The following PPARGC1A variants were observed in gnomAD, a reference collection of about 807,000 sequenced individuals.
PPARGC1A encodes peroxisome proliferator-activated receptor gamma coactivator 1-alpha.
PPARGC1A carries 25 observed loss-of-function variants against 88.7 expected under a neutral mutation model. That is an observed-to-expected ratio of 0.28 (90% CI 0.21 to 0.39). The LOEUF is 0.39. PPARGC1A is among the 10% of genes least tolerant of loss of function. PPARGC1A has a pLI of 1.00. For missense variants in PPARGC1A, 880 were observed against 968.7 expected, an observed-to-expected ratio of 0.91 and a Z score of 1.22; for synonymous variants, 363 against 355.6, an observed-to-expected ratio of 1.02 and a Z score of -0.24.
chr4:24,333,895 C>T, the PPARGC1A span, among the ~76,000 whole-genome samples: 1 of 135,834 alleles, frequency 7.4e-6, no homozygotes, highest in East Asian at 2.2e-4. Context: ...GTTAGTGCCA[C>T]TGCACTCCAG....
chr4:24,308,963 A>G, the PPARGC1A span, among the ~76,000 whole-genome samples: 1 of 152,118 alleles, frequency 6.6e-6, no homozygotes, highest in African/African-American at 2.4e-5. Flanking sequence ...TTTGAGTAGA[A>G]GGTGTTAGAA....
chr4:24,454,668 G>T, the PPARGC1A span, among the ~76,000 whole-genome samples: 1 of 151,908 alleles, frequency 6.6e-6, no homozygotes, highest in Non-Finnish European at 1.5e-5. Flanking sequence ...AACCTGAGAG[G>T]TTGAGGCTGC....
chr4:24,288,091 A>G, the PPARGC1A span, among the ~76,000 whole-genome samples: 4 of 152,040 alleles, frequency 2.6e-5, no homozygotes, highest in African/African-American at 7.2e-5. Flanking sequence ...CAACATCTAT[A>G]TTCATTCTTC....
chr4:24,413,316 A>G, the PPARGC1A span, among the ~76,000 whole-genome samples: 1 of 151,688 alleles, frequency 6.6e-6, no homozygotes, highest in Non-Finnish European at 1.5e-5. Context: ...GCAACGCAGA[A>G]TGAATAAAGG....
At chr4:23,870,579 T>C (rs1713093045) in intron 2 of PPARGC1A, among the ~76,000 whole-genome samples, 1 of 152,188 alleles carries the variant, frequency 6.6e-6, no homozygotes, top group South Asian at 2.1e-4. Flanking sequence ...ACATATTGAA[T>C]AGAACATTAG....
At chr4:24,368,827 C>T in the PPARGC1A span, among the ~76,000 whole-genome samples, 964 of 152,188 alleles carry the variant, frequency 6.3e-3, 22 homozygotes, top group African/African-American at 0.022. Context: ...CATCAGGAGA[C>T]GCGGAAGAAA....
At position 23,840,090 on chromosome 4, in the gene PPARGC1A, A is replaced by T. The variant is rs577930709; in HGVS notation, c.235-8339T>A. ...AAGTGATCCTGATGCAACCTAAGTCATGTGAAACCCCTCTTCTGACCAAAC... is the reference window on the plus strand; with the variant it reads ...AAGTGATCCTGATGCAACCTAAGTCTTGTGAAACCCCTCTTCTGACCAAAC... On this transcript the variant is annotated intron_variant, in intron 2 of 12. Coordinates refer to ENST00000264867, the MANE Select transcript of PPARGC1A (RefSeq NM_013261.5). 3.9e-5 allele frequency among the ~76,000 whole-genome samples: 6 copies of T among 152,248 alleles called. No individual in the cohort carries two copies. The East Asian group carries it at 9.7e-4, about 25-fold the overall frequency.
chr4:23,863,085 C>T (rs975439466), intron 2 of PPARGC1A, among the ~76,000 whole-genome samples: 8 of 152,082 alleles, frequency 5.3e-5, no homozygotes, highest in African/African-American at 1.9e-4. Context: ...TTTTTCCTCC[C>T]TTTTTTCACC....
chr4:24,431,705 C>A, the PPARGC1A span, among the ~76,000 whole-genome samples: 7 of 152,196 alleles, frequency 4.6e-5, no homozygotes, highest in African/African-American at 7.2e-5. Flanking sequence ...CATCTCCATA[C>A]ATATTTGTGT....
chr4:24,408,782 G>C, the PPARGC1A span, among the ~76,000 whole-genome samples: 1 of 152,156 alleles, frequency 6.6e-6, no homozygotes, highest in African/African-American at 2.4e-5. Context: ...GCTAAAATCT[G>C]ATTATAGTCA....
chr4:23,844,173 G>A (rs1342109099), intron 2 of PPARGC1A, among the ~76,000 whole-genome samples: 1 of 149,594 alleles, frequency 6.7e-6, no homozygotes, highest in Non-Finnish European at 1.5e-5. Flanking sequence ...ACATATGTGT[G>A]TATATATAAA....
the PPARGC1A span, among the ~76,000 whole-genome samples, chr4:24,043,896 A>C: frequency 1.3e-5 from 2 of 152,140 alleles, no homozygotes. Context: ...GCCACAATAT[A>C]AATAACTTGG....
chr4:24,397,905 C>G, the PPARGC1A span, among the ~76,000 whole-genome samples: 1 of 152,182 alleles, frequency 6.6e-6, no homozygotes, highest in East Asian at 1.9e-4. Context: ...GTAACTAGGT[C>G]TATACTGACT....
At chr4:24,278,843 C>T in the PPARGC1A span, among the ~76,000 whole-genome samples, 1 of 152,126 alleles carries the variant, frequency 6.6e-6, no homozygotes, top group Non-Finnish European at 1.5e-5. Context: ...AGTAGTCAAA[C>T]CACACAGCTG....
chr4:24,440,395 G>A, the PPARGC1A span, among the ~76,000 whole-genome samples: 70 of 152,290 alleles, frequency 4.6e-4, no homozygotes, highest in African/African-American at 1.5e-3. Flanking sequence ...CATGGAGCTG[G>A]GCTGAGGTTC....
chr4:24,273,368 G>T, the PPARGC1A span, among the ~76,000 whole-genome samples: 1 of 152,190 alleles, frequency 6.6e-6, no homozygotes, highest in African/African-American at 2.4e-5. Context: ...AACATGTCAA[G>T]ACTTGTGAAC....
upstream of PPARGC1A, among the ~76,000 whole-genome samples, chr4:23,894,842 G>T (rs1718337995): frequency 6.6e-6 from 1 of 152,092 alleles, no homozygotes; most frequent in African/African-American, 2.4e-5. Flanking sequence ...GATTTTGTCT[G>T]ATGTTCAACT....
chr4:24,005,117 C>G, the PPARGC1A span, among the ~76,000 whole-genome samples: 1 of 151,980 alleles, frequency 6.6e-6, no homozygotes, highest in Non-Finnish European at 1.5e-5. Flanking sequence ...TAGGTTATTC[C>G]TAAGAAAGGA....
the PPARGC1A span, among the ~76,000 whole-genome samples, chr4:24,317,208 T>G: frequency 2.0e-5 from 3 of 152,152 alleles, no homozygotes; most frequent in East Asian, 5.8e-4. Context: ...TTTATTCATG[T>G]GTTCATTCAA....
Sources: allele counts gnomAD v4.1 joint callset (sites outside exome capture counted in the v4.1 genomes callset), GRCh38; gene constraint gnomAD v4.1.1; transcripts MANE v1.5; gene names NCBI Gene and HGNC (gene_info 2026-07-23, HGNC 2026-07-21).